Variants in LINGO2 observed in about 807,000 individuals in gnomAD.
LINGO2 encodes leucine-rich repeat and immunoglobulin-like domain-containing nogo receptor-interacting protein 2.
LINGO2 carries 14 observed loss-of-function variants against 30.6 expected under a neutral mutation model. That is an observed-to-expected ratio of 0.46 (90% CI 0.30 to 0.72). LINGO2 has a LOEUF of 0.72. Among genes scored for constraint, LINGO2 ranks in the 30% least tolerant of loss-of-function variants. LINGO2 has a pLI of 0.07. For synonymous variants in LINGO2, 317 were observed against 288.5 expected (o/e 1.10, Z -1.00); for missense variants, 729 against 751.7 (o/e 0.97, Z 0.35).
the LINGO2 span, among the ~76,000 whole-genome samples, chr9:29,108,117 T>C: frequency 6.6e-6 from 1 of 152,306 alleles, no homozygotes; most frequent in East Asian, 1.9e-4. Context: ...TTCTTGCTCC[T>C]ATTCCAACAG....
At chr9:28,691,152 A>T in the LINGO2 span, among the ~76,000 whole-genome samples, 4 of 152,198 alleles carry the variant, frequency 2.6e-5, no homozygotes, top group Admixed American at 2.0e-4. Flanking sequence ...AACCAAAAGA[A>T]TTATTCTCTG....
At chr9:28,228,234 T>G (rs10812759) in intron 4 of LINGO2, among the ~76,000 whole-genome samples, 1 of 152,138 alleles carries the variant, frequency 6.6e-6, no homozygotes, top group South Asian at 2.1e-4. Context: ...ACCAAATCAC[T>G]GCAGGAATAC....
At chr9:28,791,890 G>A in the LINGO2 span, among the ~76,000 whole-genome samples, 1,293 of 151,540 alleles carry the variant, frequency 8.5e-3, 14 homozygotes, top group Non-Finnish European at 0.012. Context: ...CTGAATGAGT[G>A]ACACTGGATA....
At chr9:28,018,422 T>C (rs865799919) in intron 4 of LINGO2, among the ~76,000 whole-genome samples, 40 of 152,110 alleles carry the variant, frequency 2.6e-4, no homozygotes, top group African/African-American at 9.2e-4. Context: ...TCTCCCATTA[T>C]AGAATCAGAG....
At chr9:28,058,820 C>T (rs1326788165) in intron 4 of LINGO2, among the ~76,000 whole-genome samples, 1 of 152,088 alleles carries the variant, frequency 6.6e-6, no homozygotes, top group Non-Finnish European at 1.5e-5. Context: ...ATTGCAATTT[C>T]TAAGATATTA....
chr9:28,640,143 G>C (rs1413607473), intron 1 of LINGO2, among the ~76,000 whole-genome samples: 14 of 151,968 alleles, frequency 9.2e-5, no homozygotes, highest in Non-Finnish European at 1.8e-4. Flanking sequence ...ATGTTGACTA[G>C]TGGCCCCCAC....
chr9:28,651,848 C>T (rs1395547002), intron 1 of LINGO2, among the ~76,000 whole-genome samples: 1 of 152,088 alleles, frequency 6.6e-6, no homozygotes, highest in Non-Finnish European at 1.5e-5. Context: ...TCTGCCTCTC[C>T]AACCTCCGAC....
At chr9:28,237,767 T>C (rs1252397000) in intron 4 of LINGO2, among the ~76,000 whole-genome samples, 2 of 152,012 alleles carry the variant, frequency 1.3e-5, no homozygotes, top group South Asian at 2.1e-4. Flanking sequence ...AAGCAGAGAA[T>C]TGCTTGAACC....
At chr9:28,325,586 A>C (rs1290605015) in intron 3 of LINGO2, among the ~76,000 whole-genome samples, 2 of 152,116 alleles carry the variant, frequency 1.3e-5, no homozygotes, top group East Asian at 3.9e-4. Flanking sequence ...AATAAGTCTC[A>C]CAGGACCTGA....
chr9:28,239,723 T>C (rs775714510), intron 4 of LINGO2, among the ~76,000 whole-genome samples: 5 of 152,132 alleles, frequency 3.3e-5, no homozygotes, highest in Middle Eastern at 3.2e-3. Flanking sequence ...AGATCTGAAA[T>C]ACTACAAGAT....
the LINGO2 span, among the ~76,000 whole-genome samples, chr9:28,872,109 T>C: frequency 2.6e-5 from 4 of 151,908 alleles, no homozygotes; most frequent in Non-Finnish European, 5.9e-5. Context: ...CACAGAACCA[T>C]AAAACTAGAG....
At chr9:28,371,184 TTAAG>T (rs1470612493) in intron 3 of LINGO2, among the ~76,000 whole-genome samples, 1 of 152,206 alleles carries the variant, frequency 6.6e-6, no homozygotes, top group African/African-American at 2.4e-5. Flanking sequence ...TTGCAGATAA[TTAAG>T]TTTTACCATT....
chr9:28,049,276 C>G (rs1363778916), intron 4 of LINGO2, among the ~76,000 whole-genome samples: 1 of 150,714 alleles, frequency 6.6e-6, no homozygotes, highest in African/African-American at 2.5e-5. Context: ...CCCAATATAT[C>G]TCAGCCCTGT....
At chr9:28,229,314 T>G (rs1177506773) in intron 4 of LINGO2, among the ~76,000 whole-genome samples, 1 of 151,792 alleles carries the variant, frequency 6.6e-6, no homozygotes, top group East Asian at 1.9e-4. Context: ...CAAAAATACC[T>G]TGGGCTGTGA....
At chr9:28,635,846 T>C (rs938222107) in intron 1 of LINGO2, among the ~76,000 whole-genome samples, 3 of 152,168 alleles carry the variant, frequency 2.0e-5, no homozygotes, top group African/African-American at 7.2e-5. Flanking sequence ...TATTATACTT[T>C]AAGTTTTAGG....
At chr9:28,212,522 G>C (rs986338360) in intron 4 of LINGO2, among the ~76,000 whole-genome samples, 1 of 151,192 alleles carries the variant, frequency 6.6e-6, no homozygotes, top group Non-Finnish European at 1.5e-5. Context: ...GAAAAAAATT[G>C]TGTATCTTCC....
chr9:28,672,485 A>AAT (rs1829061050), upstream of LINGO2, among the ~76,000 whole-genome samples: 1 of 152,194 alleles, frequency 6.6e-6, no homozygotes, highest in East Asian at 1.9e-4. Flanking sequence ...CAAGATATGT[A>AAT]CACTGTCACA....
the LINGO2 span, among the ~76,000 whole-genome samples, chr9:28,691,423 C>G: frequency 3.9e-5 from 6 of 152,132 alleles, no homozygotes; most frequent in African/African-American, 1.4e-4. Context: ...AGTGAATGCA[C>G]TTGGGGGCAT....
chr9:28,458,677 G>A (rs1449541832), intron 2 of LINGO2, among the ~76,000 whole-genome samples: 1 of 151,998 alleles, frequency 6.6e-6, no homozygotes, highest in African/African-American at 2.4e-5. Context: ...CAGCTCTCCT[G>A]GTACCTGCCT....
Sources: allele counts gnomAD v4.1 joint callset (sites outside exome capture counted in the v4.1 genomes callset), GRCh38; gene constraint gnomAD v4.1.1; transcripts MANE v1.5; gene names NCBI Gene and HGNC (gene_info 2026-07-23, HGNC 2026-07-21).